Variants in DSCAM observed in about 807,000 individuals in gnomAD.
DSCAM encodes the protein cell adhesion molecule DSCAM.
DSCAM carries 47 observed loss-of-function variants against 217.7 expected under a neutral mutation model. The ratio of observed to expected loss-of-function variants is 0.22; its 90% confidence interval spans 0.17 to 0.28. DSCAM has a LOEUF of 0.28. Among genes scored for constraint, DSCAM ranks in the 10% least tolerant of loss-of-function variants. The pLI is 1.00. For missense variants in DSCAM, 2,080 were observed against 2,618.3 expected, an observed-to-expected ratio of 0.79 and a Z score of 4.49; for synonymous variants, 1,056 against 1,015.3, an observed-to-expected ratio of 1.04 and a Z score of -0.76.
chr21:40,298,720 A>T (rs1451388010), intron 9 of DSCAM, among the ~76,000 whole-genome samples: 1 of 152,154 alleles, frequency 6.6e-6, no homozygotes, highest in Non-Finnish European at 1.5e-5. Flanking sequence ...ATCTGCAGCC[A>T]TCCACATTCT....
At chr21:40,403,279 A>G (rs935294806) in intron 3 of DSCAM, among the ~76,000 whole-genome samples, 20 of 151,968 alleles carry the variant, frequency 1.3e-4, no homozygotes, top group African/African-American at 4.8e-4. Context: ...CAATTTTTTA[A>G]TGTCCAGGTG....
intron 1 of DSCAM, among the ~76,000 whole-genome samples, chr21:40,809,019 G>T (rs779534745): frequency 1.7e-4 from 26 of 152,158 alleles, no homozygotes; most frequent in Non-Finnish European, 3.1e-4. Flanking sequence ...CAATCTGATT[G>T]TTCTTGAACA....
intron 3 of DSCAM, among the ~76,000 whole-genome samples, chr21:40,593,810 C>T (rs2077001234): frequency 6.6e-6 from 1 of 152,216 alleles, no homozygotes; most frequent in South Asian, 2.1e-4. Flanking sequence ...TCCAAGCGAC[C>T]GAGTGATCCA....
chr21:40,627,142 G>T (rs763094475), intron 3 of DSCAM, among the ~76,000 whole-genome samples: 1 of 152,152 alleles, frequency 6.6e-6, no homozygotes, highest in Non-Finnish European at 1.5e-5. Flanking sequence ...CTAGTACACT[G>T]CCTCTCCATA....
chr21:40,842,363 A>G (rs905538067), intron 1 of DSCAM, among the ~76,000 whole-genome samples: 5 of 152,194 alleles, frequency 3.3e-5, no homozygotes, highest in African/African-American at 1.2e-4. Flanking sequence ...CCGAAATACT[A>G]TTGAATGCAC....
intron 20 of DSCAM, among the ~76,000 whole-genome samples, chr21:40,107,371 G>A (rs992617108): frequency 6.6e-6 from 1 of 152,126 alleles, no homozygotes; most frequent in Non-Finnish European, 1.5e-5. Flanking sequence ...CATTTGCTGA[G>A]GAGTGTTTTA....
intron 16 of DSCAM, among the ~76,000 whole-genome samples, chr21:40,152,619 CCTT>C (rs1359187717): frequency 6.6e-6 from 1 of 152,264 alleles, no homozygotes; most frequent in Non-Finnish European, 1.5e-5. Context: ...CTTTAAGAAA[CCTT>C]CTCTTTTGAT....
At chr21:40,826,122 C>T (rs771227832) in intron 1 of DSCAM, among the ~76,000 whole-genome samples, 2 of 152,146 alleles carry the variant, frequency 1.3e-5, no homozygotes, top group Non-Finnish European at 2.9e-5. Flanking sequence ...CACAAAGAAA[C>T]CTGAAGCATG....
intron 11 of DSCAM, among the ~76,000 whole-genome samples, chr21:40,209,886 C>T (rs902797447): frequency 2.6e-5 from 4 of 152,228 alleles, no homozygotes; most frequent in African/African-American, 9.6e-5. Flanking sequence ...TCAGCTTCCT[C>T]ACATGCAACT....
chr21:40,200,854 G>A (rs971523034), intron 11 of DSCAM, among the ~76,000 whole-genome samples: 1 of 152,210 alleles, frequency 6.6e-6, no homozygotes, highest in African/African-American at 2.4e-5. Context: ...TGGCCCCACA[G>A]AAACACCAAG....
rs555910746 is a variant in DSCAM, at chr21:40,779,858, G to A, written c.43+66761C>T. On this transcript the variant is annotated intron_variant, in intron 1 of 32. Transcript: ENST00000400454. ...CATAGTGAGCAGAGGGCTGGGTGGGGTAAGGAAGGTGTGCAGAGACCAGAT... is the reference window on the plus strand; with the variant it reads ...CATAGTGAGCAGAGGGCTGGGTGGGATAAGGAAGGTGTGCAGAGACCAGAT... Among the ~76,000 whole-genome samples, 27 of 152,328 alleles carry A rather than the reference G, an allele frequency of 1.8e-4. No homozygotes were observed. In the South Asian group the frequency reaches 5.2e-3, roughly 29 times the overall value.
chr21:40,291,401 G>A (rs995773480), intron 10 of DSCAM, among the ~76,000 whole-genome samples: 3 of 152,150 alleles, frequency 2.0e-5, no homozygotes, highest in East Asian at 1.9e-4. Flanking sequence ...TGAAGAGACC[G>A]CATCACCATC....
intron 3 of DSCAM, among the ~76,000 whole-genome samples, chr21:40,447,936 G>A (rs1477012314): frequency 6.6e-6 from 1 of 152,056 alleles, no homozygotes; most frequent in African/African-American, 2.4e-5. Flanking sequence ...TTTGCTAAAG[G>A]GCATTTTTGA....
intron 3 of DSCAM, among the ~76,000 whole-genome samples, chr21:40,518,598 AT>A: frequency 1.2e-5 from 1 of 83,546 alleles, no homozygotes; most frequent in African/African-American, 6.8e-5. Context: ...ACACACACAC[AT>A]ATATACATAC....
At chr21:40,057,362 TG>T (rs949798715) in intron 28 of DSCAM, among the ~76,000 whole-genome samples, 86 of 152,272 alleles carry the variant, frequency 5.6e-4, no homozygotes, top group African/African-American at 2.1e-3. Context: ...TTTGGTTACT[TG>T]GGGGGCTGCA....
chr21:40,534,567 T>A (rs2076480517), intron 3 of DSCAM, among the ~76,000 whole-genome samples: 1 of 152,166 alleles, frequency 6.6e-6, no homozygotes, highest in South Asian at 2.1e-4. Context: ...TCCCCAGAAC[T>A]CTTGCTTCAC....
At chr21:40,114,755 A>G (rs948596043) in intron 20 of DSCAM, among the ~76,000 whole-genome samples, 1 of 152,262 alleles carries the variant, frequency 6.6e-6, no homozygotes, top group Non-Finnish European at 1.5e-5. Context: ...TGGGTGAAGG[A>G]TACGAACAGA....
At chr21:40,323,213 T>C (rs2074280026) in intron 8 of DSCAM, among the ~76,000 whole-genome samples, 1 of 152,312 alleles carries the variant, frequency 6.6e-6, no homozygotes, top group South Asian at 2.1e-4. Flanking sequence ...TCCTCGGTTG[T>C]TGATCATAAG....
chr21:40,098,341 T>C (rs1427875620), intron 20 of DSCAM, among the ~76,000 whole-genome samples: 4 of 152,198 alleles, frequency 2.6e-5, no homozygotes, highest in East Asian at 1.9e-4. Flanking sequence ...CAAGGAGACA[T>C]AGACCTAGAT....
Sources: allele counts gnomAD v4.1 joint callset (sites outside exome capture counted in the v4.1 genomes callset), GRCh38; gene constraint gnomAD v4.1.1; transcripts MANE v1.5; gene names NCBI Gene and HGNC (gene_info 2026-07-23, HGNC 2026-07-21).